TEX22: variants seen among roughly 807,000 people sequenced by gnomAD.
The protein encoded by TEX22 is testis expressed 22.
A neutral mutation model predicts 11.3 loss-of-function variants in TEX22; 16 were observed. That is an observed-to-expected ratio of 1.42 (90% CI 0.96 to 2.15). TEX22 has a LOEUF of 2.15. Ranked by LOEUF, TEX22 falls within the 30% of genes most tolerant of loss-of-function variation. The pLI, the probability that TEX22 is intolerant of heterozygous loss-of-function variation, is 0.00. For synonymous variants in TEX22, 97 were observed against 92.3 expected (o/e 1.05, Z -0.29); for missense variants, 220 against 208.6 (o/e 1.05, Z -0.34).
Position 105,411,857 on chromosome 14 carries a change from G to A in TEX22, c.*24G>A. On this transcript the variant is annotated 3_prime_UTR_variant, in exon 4 of 4. Transcript: ENST00000451127. Reference sequence around the variant, plus strand: ...AAGAGCCCCATTCAGCCCATTGTCTGTCTTCCAGTGCCTTTCCTTGGGGGC... The same window carrying A: ...AAGAGCCCCATTCAGCCCATTGTCTATCTTCCAGTGCCTTTCCTTGGGGGC... The A allele has an allele frequency of 7.2e-7, 1 of 1,383,140 alleles. No homozygotes were observed. Among genetic ancestry groups the A allele is most frequent in the African/African-American group, 1.5e-5 (1 of 66,244 alleles). The allele number at this position is 1,383,140 out of a possible 1,614,324, so 85.7% of individuals were successfully genotyped here. A position where few individuals can be genotyped will look rare whatever the true frequency, so the allele number is the denominator to read the frequency against.
rs2081696476 is a variant in TEX22 at position 105,411,974 on chromosome 14, C to T, written c.*141C>T. Reference sequence around the variant, plus strand: ...GGAAAACAGGCCAGGCAGGACCTGGCTCCGGACAGCCTGCAGCTGCTGAGG... The same window carrying T: ...GGAAAACAGGCCAGGCAGGACCTGGTTCCGGACAGCCTGCAGCTGCTGAGG... On this transcript the variant is annotated 3_prime_UTR_variant, in exon 4 of 4. Coordinates refer to ENST00000451127, the MANE Select transcript of TEX22 (RefSeq NM_001195082.2). 1.2e-6 allele frequency: 1 copy of T among 845,202 alleles called. No homozygotes were observed. The highest frequency in any genetic ancestry group is 1.7e-6 in the Non-Finnish European group (1 of 588,204). 52.4% of individuals were successfully genotyped at this position (845,202 alleles called of 1,614,324 possible).
rs1479655231 is a variant in TEX22, at chr14:105,411,451, C to T, written c.234C>T (p.Gly78=). 2.4e-6 allele frequency: 3 copies of T among 1,235,636 alleles called. No homozygotes were observed. The highest frequency in any genetic ancestry group is 3.0e-6 in the Non-Finnish European group (3 of 992,504). 76.5% of individuals were successfully genotyped at this position (1,235,636 alleles called of 1,614,324 possible). A position where few individuals can be genotyped will look rare whatever the true frequency, so the allele number is the denominator to read the frequency against. Residue 78 remains glycine (G), a synonymous_variant, in exon 3 of 4, where the codon GGC becomes GGT. Transcript: ENST00000451127. ...AGCGCCGGCGGCTGGCCACGCTGGG[C>T]GGCCGGGAGAGGCCGGGCGCCGCCG... ...IDERRRLATL[G]GRERPGAAGT...
chr14:105,411,561 C>T (rs1595223959), intron 3 of TEX22, 65 bp downstream of exon 3: 2 of 1,235,080 alleles, frequency 1.6e-6, no homozygotes, highest in Non-Finnish European at 2.0e-6. Context: ...CCTCGCCTCC[C>T]TCGACTCAGT....
intron 2 of TEX22, among the ~76,000 whole-genome samples, chr14:105,403,902 C>G (rs1199991067): frequency 6.6e-6 from 1 of 152,246 alleles, no homozygotes; most frequent in Non-Finnish European, 1.5e-5. Flanking sequence ...CTAGGCTGGT[C>G]TCTAACTCCT....
chr14:105,411,438 T>TGGCCACGCTGGGCGGCC lies in TEX22; in HGVS notation c.224_240dup (p.Glu81ProfsTer25), dbSNP rs2081690159. 8.1e-7 allele frequency: 1 copy of TGGCCACGCTGGGCGGCC among 1,241,412 alleles called. No individual in the cohort carries two copies. Among genetic ancestry groups the TGGCCACGCTGGGCGGCC allele is most frequent in the African/African-American group, 1.6e-5 (1 of 63,732 alleles). 76.9% of individuals were successfully genotyped at this position (1,241,412 alleles called of 1,614,324 possible). A position where few individuals can be genotyped will look rare whatever the true frequency, so the allele number is the denominator to read the frequency against. On this transcript the variant is annotated frameshift_variant, in exon 3 of 4. Coordinates refer to ENST00000451127, the MANE Select transcript of TEX22 (RefSeq NM_001195082.2). LOFTEE classifies it high-confidence loss of function. The stretch of plus-strand genomic sequence containing the variant: ...GTCAGCATCGACGAGCGCCGGCGGC[T>TGGCCACGCTGGGCGGCC]GGCCACGCTGGGCGGCCGGGAGAGG...
chr14:105,402,521 G>GAGGT (rs1246320540), intron 2 of TEX22, among the ~76,000 whole-genome samples: 1 of 152,024 alleles, frequency 6.6e-6, no homozygotes, highest in Non-Finnish European at 1.5e-5. Flanking sequence ...TTGGGAGGCT[G>GAGGT]GGGCGGGCAG....
rs1421469491 is a variant in TEX22, at chr14:105,412,181, G to A, written c.*348G>A. ...CACTGGTGTCCTGGGAAGCCCCAGTGGCAGGCGCTGCCTGGAGACTCAGCT... is the reference window on the plus strand; with the variant it reads ...CACTGGTGTCCTGGGAAGCCCCAGTAGCAGGCGCTGCCTGGAGACTCAGCT... On this transcript the variant is annotated 3_prime_UTR_variant, in exon 4 of 4. Transcript: ENST00000451127. The surrounding 1 kb of genome is among the most constrained non-coding windows in gnomAD (Gnocchi z 5.8). 1 of 209,120 alleles carries A rather than the reference G, an allele frequency of 4.8e-6. No individual in the cohort carries two copies. The highest frequency in any genetic ancestry group is 9.5e-6 in the Non-Finnish European group (1 of 105,194). 13.0% of individuals were successfully genotyped at this position (209,120 alleles called of 1,614,324 possible). A position where few individuals can be genotyped will look rare whatever the true frequency, so the allele number is the denominator to read the frequency against.
intron 2 of TEX22, among the ~76,000 whole-genome samples, chr14:105,410,181 G>A (rs1370167482): frequency 1.3e-5 from 2 of 152,018 alleles, no homozygotes; most frequent in South Asian, 2.1e-4. Context: ...GGATTCAAGC[G>A]ATTCTCCTGC....
Position 105,412,020 on chromosome 14 carries a change from G to A in TEX22, c.*187G>A, listed in dbSNP as rs2081696835. The A allele has an allele frequency of 1.9e-6, 1 of 514,318 alleles. No homozygotes were observed. The highest frequency in any genetic ancestry group is 3.5e-5 in the East Asian group (1 of 28,364). The allele number at this position is 514,318 out of a possible 1,614,324, so 31.9% of individuals were successfully genotyped here. The stretch of plus-strand genomic sequence containing the variant: ...TGAGGCCTTGGAGACCGGGCTAGGG[G>A]CTATGGGAGGCCATCTAGGGGAGGG... On this transcript the variant is annotated 3_prime_UTR_variant, in exon 4 of 4. Transcript: ENST00000451127. The surrounding 1 kb of genome is among the most constrained non-coding windows in gnomAD (Gnocchi z 5.8).
At chr14:105,407,911 T>G (rs1210601809) in intron 2 of TEX22, among the ~76,000 whole-genome samples, 2 of 140,420 alleles carry the variant, frequency 1.4e-5, no homozygotes, top group Non-Finnish European at 3.1e-5. Flanking sequence ...GTTATGGGGG[T>G]CTGTCTGCAT....
chr14:105,410,363 C>T (rs1485209045), intron 2 of TEX22, among the ~76,000 whole-genome samples: 2 of 152,240 alleles, frequency 1.3e-5, no homozygotes, highest in African/African-American at 4.8e-5. Context: ...AGGCATGAGC[C>T]ACCACACCCG....
At chr14:105,401,802 G>A (rs2081628323) in intron 2 of TEX22, among the ~76,000 whole-genome samples, 1 of 152,184 alleles carries the variant, frequency 6.6e-6, no homozygotes, top group South Asian at 2.1e-4. Context: ...CATCTCCATA[G>A]CCTGACGGAG....
chr14:105,403,916 C>G (rs2081645647), intron 2 of TEX22, among the ~76,000 whole-genome samples: 1 of 152,216 alleles, frequency 6.6e-6, no homozygotes, highest in South Asian at 2.1e-4. Flanking sequence ...AACTCCTGGC[C>G]TTCCTAAGAG....
At chr14:105,411,020 G>T (rs868951020) in intron 2 of TEX22, among the ~76,000 whole-genome samples, 10 of 152,248 alleles carry the variant, frequency 6.6e-5, no homozygotes, top group African/African-American at 1.2e-4. Context: ...CCTTAGTCCT[G>T]CCTTTCCTGA....
intron 2 of TEX22, among the ~76,000 whole-genome samples, chr14:105,410,637 T>C (rs964216575): frequency 2.2e-4 from 33 of 152,256 alleles, no homozygotes; most frequent in African/African-American, 7.5e-4. Flanking sequence ...ACTTCGGGTT[T>C]GCATGAATCC....
chr14:105,399,753 G>A (rs2081614814), intron 2 of TEX22, among the ~76,000 whole-genome samples: 1 of 152,220 alleles, frequency 6.6e-6, no homozygotes, highest in African/African-American at 2.4e-5. Flanking sequence ...CCAGGAAGGA[G>A]GCAAGGCAAC....
At chr14:105,409,147 C>T (rs2081674913) in intron 2 of TEX22, among the ~76,000 whole-genome samples, 1 of 151,870 alleles carries the variant, frequency 6.6e-6, no homozygotes, top group Admixed American at 6.6e-5. Context: ...GCTGGCAGGG[C>T]CACTGAGTAG....
At chr14:105,398,676 C>G (rs973337171) in intron 1 of TEX22, 41 bp downstream of exon 1, 5 of 152,826 alleles carry the variant, frequency 3.3e-5, no homozygotes, top group Non-Finnish European at 5.8e-5. Flanking sequence ...ACGTACCCCC[C>G]ACCTCCGACC....
intron 2 of TEX22, among the ~76,000 whole-genome samples, chr14:105,405,317 T>A (rs1290703572): frequency 6.6e-6 from 1 of 151,746 alleles, no homozygotes; most frequent in Non-Finnish European, 1.5e-5. Context: ...GAGTTGCTTG[T>A]CATCTTTGGA....
Sources: gnomAD v4.1 joint callset for allele counts (sites outside exome capture counted in the v4.1 genomes callset) on GRCh38, gnomAD v4.1.1 for gene constraint, Gnocchi (gnomAD v3.1) non-coding constraint, MANE v1.5 for transcripts, NCBI Gene and HGNC (gene_info 2026-07-23, HGNC 2026-07-21) for gene names.